KDM7A: variants seen among roughly 807,000 people sequenced by gnomAD.
KDM7A encodes the protein lysine demethylase 7A.
In KDM7A, 28 loss-of-function variants were observed where a neutral mutation model predicts 114.8. The ratio of observed to expected loss-of-function variants is 0.24; its 90% CI spans 0.18 to 0.33. The LOEUF (loss-of-function observed/expected upper bound fraction) is 0.33, where lower values mean the gene tolerates loss of function less well. Ranked by LOEUF, KDM7A falls within the 10% of genes least tolerant of loss-of-function variation. The pLI is 1.00. For synonymous variants in KDM7A, 423 were observed against 397.8 expected, an observed-to-expected ratio of 1.06 and a Z score of -0.75; for missense variants, 942 against 1,142.5, an observed-to-expected ratio of 0.82 and a Z score of 2.53.
At chr7:140,168,287 C>T (rs1794600003) in intron 1 of KDM7A, among the ~76,000 whole-genome samples, 1 of 152,150 alleles carries the variant, frequency 6.6e-6, no homozygotes. Flanking sequence ...AATACAAGGT[C>T]GGGCGTGGTG....
At chr7:140,143,746 C>G (rs1319531750) in intron 1 of KDM7A, among the ~76,000 whole-genome samples, 1 of 152,118 alleles carries the variant, frequency 6.6e-6, no homozygotes, top group Non-Finnish European at 1.5e-5. Flanking sequence ...CCCAAAAGGT[C>G]AAAACCAAAA....
intron 1 of KDM7A, among the ~76,000 whole-genome samples, chr7:140,153,755 C>A (rs1014703051): frequency 1.3e-5 from 2 of 152,192 alleles, no homozygotes; most frequent in African/African-American, 2.4e-5. Context: ...CCGCAAATGG[C>A]GGCAGTGGCA....
chr7:140,176,858 C>A lies in KDM7A; in HGVS notation c.80G>T (p.Gly27Val). Residue 27 changes from glycine (G) to valine (V), a missense_variant, in exon 1 of 20, where the codon GGC becomes GTC. By Grantham distance (109) the Gly-to-Val change is moderately radical. Transcript: ENST00000397560. The surrounding 1 kb of genome is among the most constrained non-coding windows in gnomAD (Gnocchi z 4.4). The stretch of plus-strand genomic sequence containing the variant: ...GGGCGGCGGAGGCGCCGAGGCCCGG[C>A]CGGGAGCCGCCACCGACACGGCTGC... ...AAAAVSVAAP[G>V]RASAPPPPPP... 7.8e-7 allele frequency: 1 copy of A among 1,280,696 alleles called. No individual in the cohort carries two copies. Among genetic ancestry groups the A allele is most frequent in the Non-Finnish European group, 1.0e-6 (1 of 999,986 alleles). 79.3% of individuals were successfully genotyped at this position (1,280,696 alleles called of 1,614,324 possible). A position where few individuals can be genotyped will look rare whatever the true frequency, so the allele number is the denominator to read the frequency against.
chr7:140,131,572 T>G (rs534543766), intron 3 of KDM7A, among the ~76,000 whole-genome samples: 2 of 152,324 alleles, frequency 1.3e-5, no homozygotes, highest in East Asian at 1.9e-4. Context: ...CTAGATAATC[T>G]TGTTCTTCTT....
At position 140,086,063 on chromosome 7, in the gene KDM7A, C is replaced by G. The variant is rs1562941264; in HGVS notation, c.*5031G>C. 3.3e-5 allele frequency: 5 copies of G among 152,136 alleles called. No homozygotes were observed. The South Asian group carries it at 8.3e-4, about 25-fold the overall frequency. 9.4% of individuals were successfully genotyped at this position (152,136 alleles called of 1,614,324 possible). A position where few individuals can be genotyped will look rare whatever the true frequency, so the allele number is the denominator to read the frequency against. On this transcript the variant is annotated 3_prime_UTR_variant, in exon 20 of 20. Transcript: ENST00000397560. ...TGAAAAAGAAATGGCCAAAATGAAACTGGTTGGAGACAAGTTTTACCTTTA... is the reference window on the plus strand; with the variant it reads ...TGAAAAAGAAATGGCCAAAATGAAAGTGGTTGGAGACAAGTTTTACCTTTA...
intron 17 of KDM7A, among the ~76,000 whole-genome samples, chr7:140,095,176 T>C (rs932119858): frequency 1.3e-5 from 2 of 152,188 alleles, no homozygotes; most frequent in African/African-American, 2.4e-5. Flanking sequence ...TGGCCGCCTA[T>C]TGTATATGTA....
At chr7:140,147,973 A>C (rs1357510402) in intron 1 of KDM7A, among the ~76,000 whole-genome samples, 2 of 152,226 alleles carry the variant, frequency 1.3e-5, no homozygotes, top group Non-Finnish European at 2.9e-5. Context: ...CAGTATGTAA[A>C]GCATGGGACT....
In KDM7A at chr7:140,176,618, C is replaced by CT; in HGVS notation, c.194+125_194+126insA. The CT allele has an allele frequency of 1.5e-6, 1 of 679,636 alleles. No homozygotes were observed. The highest frequency in any genetic ancestry group is 2.0e-5 in the African/African-American group (1 of 50,486). 42.1% of individuals were successfully genotyped at this position (679,636 alleles called of 1,614,324 possible). On this transcript the variant is annotated intron_variant, in intron 1 of 19. Coordinates refer to ENST00000397560, the MANE Select transcript of KDM7A (RefSeq NM_030647.2). This position sits in a 1 kb window ranked among gnomAD's most constrained non-coding sequence, Gnocchi z 4.4. ...ACTGCCCGGCCGGGGGGCTAGGCAC[C>CT]GGGGCCCCCTGAAAGCTGGGCGCGG...
At chr7:140,105,403 A>T (rs1415793672) in intron 11 of KDM7A, among the ~76,000 whole-genome samples, 2 of 152,204 alleles carry the variant, frequency 1.3e-5, no homozygotes, top group Admixed American at 1.3e-4. Context: ...TTGCCCATTC[A>T]TTATGATATT....
chr7:140,152,945 T>C (rs1398953799), intron 1 of KDM7A, among the ~76,000 whole-genome samples: 2 of 151,846 alleles, frequency 1.3e-5, no homozygotes, highest in East Asian at 4.0e-4. Context: ...CTGCAACCTC[T>C]GCCTCCTGGG....
chr7:140,169,841 G>C (rs1407796570), intron 1 of KDM7A, among the ~76,000 whole-genome samples: 1 of 152,156 alleles, frequency 6.6e-6, no homozygotes, highest in African/African-American at 2.4e-5. Context: ...TTTTTAAAAA[G>C]CTTATGAGAG....
At chr7:140,154,441 C>G (rs1410718935) in intron 1 of KDM7A, among the ~76,000 whole-genome samples, 1 of 148,622 alleles carries the variant, frequency 6.7e-6, no homozygotes, top group Non-Finnish European at 1.5e-5. Flanking sequence ...CTGTAGTGAG[C>G]TGACTGCACC....
chr7:140,108,722 A>G (rs949320785), intron 11 of KDM7A, among the ~76,000 whole-genome samples: 1 of 152,170 alleles, frequency 6.6e-6, no homozygotes, highest in Non-Finnish European at 1.5e-5. Flanking sequence ...GGGGTCAGGG[A>G]CCCACTTGAG....
chr7:140,156,085 A>C (rs746969250), intron 1 of KDM7A, among the ~76,000 whole-genome samples: 1 of 152,210 alleles, frequency 6.6e-6, no homozygotes, highest in Non-Finnish European at 1.5e-5. Context: ...GGAGGTTTCT[A>C]GTGTTTTGAA....
In KDM7A at chr7:140,139,206, C is replaced by A; in HGVS notation, c.195-16G>T. On this transcript the variant is annotated splice_polypyrimidine_tract_variant and intron_variant, in intron 1 of 19. Coordinates refer to ENST00000397560, the MANE Select transcript of KDM7A (RefSeq NM_030647.2). The stretch of plus-strand genomic sequence containing the variant: ...TCCAACACAGCTAAGACAAAGGAAA[C>A]CAAAATCAGTATGTAAGTAAGTTGA... The A allele has an allele frequency of 1.9e-6, 3 of 1,577,768 alleles. No homozygotes were observed. The highest frequency in any genetic ancestry group is 2.6e-6 in the Non-Finnish European group (3 of 1,148,936).
At chr7:140,107,101 C>CT (rs1222044560) in intron 11 of KDM7A, among the ~76,000 whole-genome samples, 4 of 152,080 alleles carry the variant, frequency 2.6e-5, no homozygotes, top group Non-Finnish European at 1.5e-5. Flanking sequence ...AACCCCTGCT[C>CT]TTTTTTTGTT....
rs756337175 is a variant in KDM7A at position 140,123,804 on chromosome 7, G to A, written c.1051+817C>T. 2.6e-5 allele frequency among the ~76,000 whole-genome samples: 4 copies of A among 152,230 alleles called. No individual in the cohort carries two copies. In the East Asian group the frequency reaches 5.8e-4, roughly 22 times the overall value. On this transcript the variant is annotated intron_variant, in intron 7 of 19. Coordinates refer to ENST00000397560, the MANE Select transcript of KDM7A (RefSeq NM_030647.2). ...AAGCCTAGAAAATAGTATGCCGGCC[G>A]GGCGTGGAGGCTCACGCCTGTAATC...
intron 16 of KDM7A, 23 bp downstream of exon 16, chr7:140,096,876 C>T: frequency 6.2e-7 from 1 of 1,609,758 alleles, no homozygotes; most frequent in Non-Finnish European, 8.5e-7. Context: ...TATAATAAGA[C>T]TTACTACTAT....
At chr7:140,126,164 T>C (rs1032653486) in intron 6 of KDM7A, among the ~76,000 whole-genome samples, 2 of 152,172 alleles carry the variant, frequency 1.3e-5, no homozygotes, top group African/African-American at 4.8e-5. Context: ...CAGCTTGGCC[T>C]CCTCTCAAAG....
Sources: allele counts gnomAD v4.1 joint callset (sites outside exome capture counted in the v4.1 genomes callset), GRCh38; gene constraint gnomAD v4.1.1; non-coding constraint Gnocchi (gnomAD v3.1); transcripts MANE v1.5; gene names NCBI Gene and HGNC (gene_info 2026-07-23, HGNC 2026-07-21).